Variants in PTPRN2 observed in about 807,000 individuals in gnomAD.
PTPRN2 encodes the protein receptor-type tyrosine-protein phosphatase N2.
PTPRN2 carries 74 observed loss-of-function variants against 118.8 expected under a neutral mutation model. The ratio of observed to expected loss-of-function variants is 0.62; its 90% CI spans 0.52 to 0.76. PTPRN2 has a LOEUF of 0.76. Ranked by LOEUF, PTPRN2 falls within the 30% of genes least tolerant of loss-of-function variation. The pLI is 0.00. For missense variants in PTPRN2, 1,481 were observed against 1,394.4 expected (o/e 1.06, Z -0.99); for synonymous variants, 641 against 608.0 (o/e 1.05, Z -0.80).
At chr7:158,082,871 A>G (rs889479037) in intron 10 of PTPRN2, among the ~76,000 whole-genome samples, 1 of 152,178 alleles carries the variant, frequency 6.6e-6, no homozygotes, top group African/African-American at 2.4e-5. Flanking sequence ...ATGACCATGG[A>G]GCAGGAGCTG....
chr7:158,573,320 G>A lies in PTPRN2; in HGVS notation c.112+14238C>T, dbSNP rs557022496. On this transcript the variant is annotated intron_variant, in intron 1 of 22. Coordinates refer to ENST00000389418, the MANE Select transcript of PTPRN2 (RefSeq NM_002847.5). ...AAACATCAACTTTGGGTGCTGAGGA[G>A]GCCAGAATAGATTTTTAAATAAAGT... Among the ~76,000 whole-genome samples the A allele has an allele frequency of 3.3e-5, 5 of 152,270 alleles. No individual in the cohort carries two copies. In the South Asian group the frequency reaches 1.0e-3, roughly 32 times the overall value.
chr7:158,541,797 C>T, intron 1 of PTPRN2: 2 of 950,192 alleles, frequency 2.1e-6, no homozygotes, highest in Non-Finnish European at 2.5e-6. Flanking sequence ...GGAGAAGGGG[C>T]CAAGGCCGCT....
At chr7:157,687,351 T>C (rs1345472989) in intron 12 of PTPRN2, among the ~76,000 whole-genome samples, 2 of 152,188 alleles carry the variant, frequency 1.3e-5, no homozygotes, top group Non-Finnish European at 2.9e-5. Flanking sequence ...GGTAGCCAGA[T>C]TTAGTCCTTT....
intron 13 of PTPRN2, among the ~76,000 whole-genome samples, chr7:157,662,839 T>C (rs151054504): frequency 4.6e-5 from 7 of 152,326 alleles, no homozygotes; most frequent in African/African-American, 1.7e-4. Flanking sequence ...ACCCGATGTC[T>C]ACAAGCTTGA....
intron 12 of PTPRN2, among the ~76,000 whole-genome samples, chr7:157,817,183 T>C (rs181537909): frequency 6.6e-6 from 1 of 152,352 alleles, no homozygotes; most frequent in Admixed American, 6.5e-5. Flanking sequence ...ACCCAAATCC[T>C]TTCACATAAA....
At chr7:158,433,819 AT>A (rs1816391941) in intron 2 of PTPRN2, among the ~76,000 whole-genome samples, 1 of 152,186 alleles carries the variant, frequency 6.6e-6, no homozygotes, top group Admixed American at 6.5e-5. Context: ...ATCTAAGGTT[AT>A]AATTTATTTC....
chr7:157,878,363 C>G lies in PTPRN2; in HGVS notation c.1788+20310G>C, dbSNP rs557911026. Among the ~76,000 whole-genome samples the G allele has an allele frequency of 2.7e-5, 4 of 149,104 alleles. No individual in the cohort carries two copies. In the East Asian group the frequency reaches 8.1e-4, roughly 30 times the overall value. On this transcript the variant is annotated intron_variant, in intron 12 of 22. Coordinates refer to ENST00000389418, the MANE Select transcript of PTPRN2 (RefSeq NM_002847.5). ...AAGGGTCAGTGTGATACCATGCACC[C>G]ACACTTACTCACCGAGAAGCTCTCG...
intron 3 of PTPRN2, among the ~76,000 whole-genome samples, chr7:158,313,698 A>G (rs1245479598): frequency 6.6e-6 from 1 of 152,250 alleles, no homozygotes; most frequent in Non-Finnish European, 1.5e-5. Flanking sequence ...ATGTGGACAT[A>G]GCCTGACACT....
intron 3 of PTPRN2, among the ~76,000 whole-genome samples, chr7:158,274,508 A>AGGCACAGGGGGAGCCG (rs1563074906): frequency 0.054 from 7,337 of 136,090 alleles, 239 homozygotes; most frequent in Middle Eastern, 0.11. Context: ...AGGGGGAGCC[A>AGGCACAGGGGGAGCCG]CAGGCACGGG....
intron 1 of PTPRN2, among the ~76,000 whole-genome samples, chr7:158,516,458 C>A (rs183430339): frequency 6.6e-6 from 1 of 152,236 alleles, no homozygotes; most frequent in African/African-American, 2.4e-5. Context: ...TCCCCAGCCC[C>A]CTCCCAGCCT....
intron 12 of PTPRN2, among the ~76,000 whole-genome samples, chr7:157,871,275 C>T (rs1459400445): frequency 6.6e-6 from 1 of 152,274 alleles, no homozygotes; most frequent in South Asian, 2.1e-4. Context: ...CTGCCTCGGA[C>T]CCCCTGAGTC....
intron 10 of PTPRN2, among the ~76,000 whole-genome samples, chr7:158,105,588 C>T (rs952250057): frequency 6.6e-6 from 1 of 151,818 alleles, no homozygotes; most frequent in Non-Finnish European, 1.5e-5. Context: ...CAGCTCCATT[C>T]CTATCCATCC....
chr7:158,091,669 G>T (rs1814137555), intron 10 of PTPRN2, among the ~76,000 whole-genome samples: 1 of 150,280 alleles, frequency 6.7e-6, no homozygotes, highest in South Asian at 2.1e-4. Flanking sequence ...TAGAGAGATG[G>T]TTGGTTGGGT....
chr7:157,722,534 G>GGCCC (rs1799299037), intron 12 of PTPRN2, among the ~76,000 whole-genome samples: 1 of 152,354 alleles, frequency 6.6e-6, no homozygotes, highest in Non-Finnish European at 1.5e-5. Flanking sequence ...GTGGCAGCTT[G>GGCCC]GCCCAGATCC....
At chr7:157,817,917 T>C (rs916258485) in intron 12 of PTPRN2, among the ~76,000 whole-genome samples, 11 of 151,670 alleles carry the variant, frequency 7.3e-5, no homozygotes, top group African/African-American at 1.2e-4. Flanking sequence ...GTATGTATCA[T>C]GTGTGATGTG....
chr7:157,891,674 G>C (rs1796817632), intron 12 of PTPRN2, among the ~76,000 whole-genome samples: 1 of 152,032 alleles, frequency 6.6e-6, no homozygotes, highest in African/African-American at 2.4e-5. Flanking sequence ...CATATTCTTG[G>C]CTACAGAATC....
intron 22 of PTPRN2, among the ~76,000 whole-genome samples, chr7:157,544,523 C>A (rs1404993178): frequency 2.0e-5 from 3 of 152,102 alleles, no homozygotes; most frequent in Non-Finnish European, 2.9e-5. Flanking sequence ...CGTGGACATG[C>A]GAGGGGCCTC....
intron 11 of PTPRN2, among the ~76,000 whole-genome samples, chr7:157,949,044 G>A (rs1418632036): frequency 6.6e-6 from 1 of 152,112 alleles, no homozygotes; most frequent in Non-Finnish European, 1.5e-5. Flanking sequence ...TGCAGGGGGC[G>A]GGTGTCTTAG....
At chr7:157,854,216 T>C (rs541525571) in intron 12 of PTPRN2, among the ~76,000 whole-genome samples, 123 of 152,336 alleles carry the variant, frequency 8.1e-4, no homozygotes, top group African/African-American at 2.7e-3. Flanking sequence ...AGGGCCTACA[T>C]TGGGTGCTGC....
Sources: allele counts gnomAD v4.1 joint callset (sites outside exome capture counted in the v4.1 genomes callset), GRCh38; gene constraint gnomAD v4.1.1; transcripts MANE v1.5; gene names NCBI Gene and HGNC (gene_info 2026-07-23, HGNC 2026-07-21).